The following PIWIL1 variants were observed in gnomAD, a reference collection of about 807,000 sequenced individuals.
PIWIL1 encodes the protein piwi like RNA-mediated gene silencing 1, also known as piwi-like protein 1.
PIWIL1 carries 73 observed loss-of-function variants against 114.4 expected under a neutral mutation model. The ratio of observed to expected loss-of-function variants is 0.64; its 90% CI spans 0.53 to 0.78. The LOEUF (loss-of-function observed/expected upper bound fraction) is 0.78. Among genes scored for constraint, PIWIL1 ranks in the 30% least tolerant of loss-of-function variants. The pLI is 0.00. For missense variants in PIWIL1, 723 were observed against 1,063.1 expected (o/e 0.68, Z 4.45); for synonymous variants, 375 against 369.0 (o/e 1.02, Z -0.19).
intron 3 of PIWIL1, among the ~76,000 whole-genome samples, chr12:130,344,869 C>T (rs80287981): frequency 0.027 from 4,169 of 152,264 alleles, 95 homozygotes; most frequent in Non-Finnish European, 0.04. Flanking sequence ...TAGGCCATCC[C>T]TAACCATGGG....
the PIWIL1 span, chr12:130,426,117 G>A: frequency 1 from 152,286 of 152,428 alleles, 76,073 homozygotes; most frequent in Middle Eastern, 1. Context: ...TGAGTGAACC[G>A]GGCCAGCGGG....
chr12:130,345,614 C>A, intron 3 of PIWIL1, 139 bp from the exon 4 acceptor site: 1 of 845,128 alleles, frequency 1.2e-6, no homozygotes, highest in Non-Finnish European at 1.8e-6. Context: ...ATACCTAAAA[C>A]ATGTTGATAG....
intron 19 of PIWIL1, among the ~76,000 whole-genome samples, chr12:130,370,177 T>A (rs1460273722): frequency 2.0e-5 from 3 of 152,132 alleles, no homozygotes; most frequent in Non-Finnish European, 4.4e-5. Context: ...AGGGTTAATT[T>A]CCTTAAATCT....
chr12:130,392,203 G>GTGATTACCCGGT, the PIWIL1 span, among the ~76,000 whole-genome samples: 3 of 67,106 alleles, frequency 4.5e-5, no homozygotes, highest in Non-Finnish European at 3.3e-5. Flanking sequence ...TCACGTGGAT[G>GTGATTACCCGGT]CATCAGTTAC....
At position 130,371,897 on chromosome 12, in the gene PIWIL1, T is replaced by C. The variant is rs2136204523; in HGVS notation, c.*299T>C. On this transcript the variant is annotated 3_prime_UTR_variant, in exon 21 of 21. Transcript: ENST00000245255. ...GTATAAAACAGACTCTCTGAGAGTA[T>C]TTGAAATGTGTTTGGAGATTTACTT... The C allele has an allele frequency of 5.6e-6, 1 of 179,886 alleles. No homozygotes were observed. The highest frequency in any genetic ancestry group is 1.4e-4 in the South Asian group (1 of 7,036). The allele number at this position is 179,886 out of a possible 1,614,324, so 11.1% of individuals were successfully genotyped here.
chr12:130,348,825 G>A (rs150704046), intron 7 of PIWIL1, among the ~76,000 whole-genome samples: 2 of 152,092 alleles, frequency 1.3e-5, no homozygotes, highest in East Asian at 1.9e-4. Flanking sequence ...GCTTGAACCC[G>A]GGAGGCGGAG....
Position 130,352,092 on chromosome 12 carries a change from G to C in PIWIL1, c.1044+2125G>C, listed in dbSNP as rs572333347. ...CAGCTCAGCTTCTTTCTCTAGGGAA[G>C]ATTTCTCTGGAAATCAGGGATAATC... On this transcript the variant is annotated intron_variant, in intron 9 of 20. Transcript: ENST00000245255. Among the ~76,000 whole-genome samples, 4 of 152,274 alleles carry C rather than the reference G, an allele frequency of 2.6e-5. No individual in the cohort carries two copies. The East Asian group carries it at 7.7e-4, about 29-fold the overall frequency.
chr12:130,423,892 T>G, the PIWIL1 span, among the ~76,000 whole-genome samples: 18,079 of 152,076 alleles, frequency 0.12, 1,458 homozygotes, highest in East Asian at 0.33. Flanking sequence ...GTCCTTTAAT[T>G]CAAGCAGCCA....
Position 130,371,708 on chromosome 12 carries a change from G to T in PIWIL1, c.*110G>T, listed in dbSNP as rs1488897777. The T allele has an allele frequency of 1.5e-6, 1 of 664,708 alleles. No individual in the cohort carries two copies. The highest frequency in any genetic ancestry group is 2.6e-6 in the Non-Finnish European group (1 of 385,934). The allele number at this position is 664,708 out of a possible 1,614,324, so 41.2% of individuals were successfully genotyped here. A position where few individuals can be genotyped will look rare whatever the true frequency, so the allele number is the denominator to read the frequency against. On this transcript the variant is annotated 3_prime_UTR_variant, in exon 21 of 21. Coordinates refer to ENST00000245255, the MANE Select transcript of PIWIL1 (RefSeq NM_004764.5). ...TATCTTTCTGGATGAAACTTGGGAA[G>T]GGGATTAGGAGATCTAGCATTTTAT...
the PIWIL1 span, among the ~76,000 whole-genome samples, chr12:130,390,679 T>G: frequency 6.6e-6 from 1 of 152,230 alleles, no homozygotes; most frequent in Non-Finnish European, 1.5e-5. Context: ...TCTTGTTTCC[T>G]ACCCCTTACT....
At position 130,362,972 on chromosome 12, in the gene PIWIL1, C is replaced by T; in HGVS notation, c.2042-19C>T. On this transcript the variant is annotated intron_variant, in intron 17 of 20. Coordinates refer to ENST00000245255, the MANE Select transcript of PIWIL1 (RefSeq NM_004764.5). Reference sequence around the variant, plus strand: ...GTCGTAGGCATGAATTGACATAAAACTTCTCTGGCCTGTTTCAGCGGCTCT... The same window carrying T: ...GTCGTAGGCATGAATTGACATAAAATTTCTCTGGCCTGTTTCAGCGGCTCT... The T allele has an allele frequency of 6.2e-7, 1 of 1,612,678 alleles. No homozygotes were observed. The highest frequency in any genetic ancestry group is 8.5e-7 in the Non-Finnish European group (1 of 1,178,872).
chr12:130,424,319 G>A, the PIWIL1 span: 1 of 1,231,614 alleles, frequency 8.1e-7, no homozygotes, highest in Non-Finnish European at 1.0e-6. The surrounding 1 kb of genome is among the most constrained non-coding windows in gnomAD (Gnocchi z 9.8). Flanking sequence ...CGTCGTTCCT[G>A]AGGAGGCCAC....
the PIWIL1 span, among the ~76,000 whole-genome samples, chr12:130,420,094 A>T: frequency 9.9e-5 from 15 of 152,228 alleles, no homozygotes; most frequent in Admixed American, 9.2e-4. The surrounding 1 kb of genome is among the most constrained non-coding windows in gnomAD (Gnocchi z 4.3). Flanking sequence ...TTTCACAAGA[A>T]AAATAGAAGT....
the PIWIL1 span, among the ~76,000 whole-genome samples, chr12:130,404,773 G>A: frequency 6.6e-6 from 1 of 152,088 alleles, no homozygotes; most frequent in Non-Finnish European, 1.5e-5. Context: ...AAAAGTATAG[G>A]TTTGTTGTGG....
At chr12:130,408,559 T>C in the PIWIL1 span, among the ~76,000 whole-genome samples, 2 of 152,242 alleles carry the variant, frequency 1.3e-5, no homozygotes, top group African/African-American at 4.8e-5. Context: ...TGCAGAGGAA[T>C]TGCCCTAGGC....
chr12:130,408,237 T>G, the PIWIL1 span, among the ~76,000 whole-genome samples: 1 of 152,162 alleles, frequency 6.6e-6, no homozygotes, highest in African/African-American at 2.4e-5. Flanking sequence ...AGACACAGTT[T>G]TAAAAGTGCC....
At chr12:130,398,598 C>A in the PIWIL1 span, 2 of 152,634 alleles carry the variant, frequency 1.3e-5, no homozygotes, top group Non-Finnish European at 2.9e-5. Context: ...GAGCATAGCT[C>A]TCTCGTAAGG....
the PIWIL1 span, chr12:130,407,869 T>C: frequency 1.3e-6 from 2 of 1,575,958 alleles, no homozygotes. Context: ...CATCATGAGG[T>C]TATTTCAAAC....
At chr12:130,407,855 A>T in the PIWIL1 span, 6 of 1,590,504 alleles carry the variant, frequency 3.8e-6, no homozygotes, top group South Asian at 1.1e-5. Context: ...GGGGGAAAGA[A>T]ATCCATCATG....
Sources: gnomAD v4.1 joint callset for allele counts (sites outside exome capture counted in the v4.1 genomes callset) on GRCh38, gnomAD v4.1.1 for gene constraint, Gnocchi (gnomAD v3.1) non-coding constraint, MANE v1.5 for transcripts, NCBI Gene and HGNC (gene_info 2026-07-23, HGNC 2026-07-21) for gene names.